ATP8B4: variants seen among roughly 807,000 people sequenced by gnomAD.
ATP8B4 encodes the protein ATPase phospholipid transporting 8B4 (putative), also known as probable phospholipid-transporting ATPase IM.
Under a neutral mutation model 145.6 loss-of-function variants are expected in ATP8B4, and 133 were observed. The observed-to-expected ratio is 0.91, with a 90% CI of 0.79 to 1.05. ATP8B4 has a LOEUF of 1.05. Ranked by LOEUF, ATP8B4 falls within the 50% of genes least tolerant of loss-of-function variation. The pLI, the probability that ATP8B4 is intolerant of heterozygous loss-of-function variation, is 0.00. For synonymous variants in ATP8B4, 507 were observed against 492.9 expected, an observed-to-expected ratio of 1.03 and a Z score of -0.38; for missense variants, 1,458 against 1,425.2, an observed-to-expected ratio of 1.02 and a Z score of -0.37.
At chr15:50,031,532 G>A (rs1303403769) in intron 6 of ATP8B4, among the ~76,000 whole-genome samples, 1 of 151,538 alleles carries the variant, frequency 6.6e-6, no homozygotes, top group African/African-American at 2.4e-5. Flanking sequence ...CTAAATGTGT[G>A]TAAGCTGCAA....
At chr15:50,115,262 G>C (rs2057130015) in intron 1 of ATP8B4, among the ~76,000 whole-genome samples, 1 of 152,092 alleles carries the variant, frequency 6.6e-6, no homozygotes, top group Non-Finnish European at 1.5e-5. Context: ...CTTGAGCCCA[G>C]AAGCTCAAGG....
intron 1 of ATP8B4, among the ~76,000 whole-genome samples, chr15:50,129,576 T>A (rs1299418561): frequency 1.3e-5 from 2 of 152,222 alleles, no homozygotes; most frequent in Non-Finnish European, 2.9e-5. Flanking sequence ...TAATCAAATA[T>A]GACCTCAATC....
rs1392178516 is a variant in ATP8B4 at position 49,906,951 on chromosome 15, A to T, written c.2142-5712T>A. Among the ~76,000 whole-genome samples, 4 of 152,172 alleles carry T rather than the reference A, an allele frequency of 2.6e-5. No homozygotes were observed. The East Asian group carries it at 7.7e-4, about 29-fold the overall frequency. Reference sequence around the variant, plus strand: ...TGGAATCCTCAGATAAATTTAGGGGAATCAGCAGAGTAAAGGGATTTTAGA... The same window carrying T: ...TGGAATCCTCAGATAAATTTAGGGGTATCAGCAGAGTAAAGGGATTTTAGA... On this transcript the variant is annotated intron_variant, in intron 20 of 27. Transcript: ENST00000284509.
intron 1 of ATP8B4, among the ~76,000 whole-genome samples, chr15:50,157,911 C>A (rs372837734): frequency 0.097 from 14,671 of 152,030 alleles, 978 homozygotes; most frequent in African/African-American, 0.18. Context: ...CGTGCCGCCA[C>A]GCCTGACTGG....
At chr15:50,083,385 T>C (rs1358877510) in intron 2 of ATP8B4, among the ~76,000 whole-genome samples, 1 of 152,082 alleles carries the variant, frequency 6.6e-6, no homozygotes, top group Non-Finnish European at 1.5e-5. Flanking sequence ...GACTGGACCA[T>C]ACAGAATGCT....
chr15:49,981,362 T>C (rs2046139017), intron 10 of ATP8B4, 68 bp from the exon 11 acceptor site: 2 of 1,207,172 alleles, frequency 1.7e-6, no homozygotes, highest in African/African-American at 1.5e-5. Flanking sequence ...AATGCTCATA[T>C]CAAATGTCTC....
At chr15:49,984,397 CTT>C (rs1467801584) in intron 10 of ATP8B4, among the ~76,000 whole-genome samples, 2 of 152,134 alleles carry the variant, frequency 1.3e-5, no homozygotes, top group Non-Finnish European at 2.9e-5. Flanking sequence ...TAAAAGAACT[CTT>C]TACAAAAAGC....
chr15:50,073,007 T>TAC (rs2053926383), intron 3 of ATP8B4, among the ~76,000 whole-genome samples: 3 of 55,452 alleles, frequency 5.4e-5, no homozygotes, highest in East Asian at 6.8e-4. Context: ...TATATATATA[T>TAC]ATATATATAT....
intron 1 of ATP8B4, among the ~76,000 whole-genome samples, chr15:50,138,462 CAGAT>C (rs1323647619): frequency 1.3e-4 from 19 of 151,396 alleles, no homozygotes; most frequent in African/African-American, 4.1e-4. Context: ...AGATGATAGA[CAGAT>C]AGATAGACAG....
intron 6 of ATP8B4, among the ~76,000 whole-genome samples, chr15:50,023,672 C>A (rs185988825): frequency 1.0e-4 from 15 of 149,922 alleles, no homozygotes; most frequent in African/African-American, 3.7e-4. Flanking sequence ...AAAAAAGAAT[C>A]TAAAGACAGC....
chr15:50,181,568 A>G (rs137996930), intron 1 of ATP8B4, among the ~76,000 whole-genome samples: 3 of 152,334 alleles, frequency 2.0e-5, no homozygotes, highest in African/African-American at 7.2e-5. Flanking sequence ...ACTGCTCTTC[A>G]CGAAATCAGG....
intron 1 of ATP8B4, among the ~76,000 whole-genome samples, chr15:50,176,645 A>G (rs1567420518): frequency 1.3e-5 from 2 of 152,340 alleles, no homozygotes; most frequent in East Asian, 3.9e-4. Context: ...GAAGAGAGAG[A>G]AAGCTGTTGA....
chr15:50,127,446 A>C (rs2153678557), intron 1 of ATP8B4, among the ~76,000 whole-genome samples: 1 of 152,252 alleles, frequency 6.6e-6, no homozygotes, highest in East Asian at 1.9e-4. Context: ...ACAAACATAC[A>C]TCCCACAGCA....
intron 6 of ATP8B4, among the ~76,000 whole-genome samples, chr15:50,015,944 G>C (rs1204232041): frequency 6.6e-6 from 1 of 152,318 alleles, no homozygotes; most frequent in East Asian, 1.9e-4. Flanking sequence ...TTTTGCCAGG[G>C]AGGAGGGTGA....
At chr15:50,076,997 C>A (rs531347029) in intron 2 of ATP8B4, among the ~76,000 whole-genome samples, 1 of 152,292 alleles carries the variant, frequency 6.6e-6, no homozygotes, top group Non-Finnish European at 1.5e-5. Context: ...AACAAATCCC[C>A]CATAACTATT....
In ATP8B4 at chr15:49,996,766, A is replaced by T. The variant is rs1484012780; in HGVS notation, c.507-7T>A. The T allele has an allele frequency of 5.6e-6, 9 of 1,603,800 alleles. No homozygotes were observed. Among genetic ancestry groups the T allele is most frequent in the Non-Finnish European group, 7.7e-6 (9 of 1,172,048 alleles). On this transcript the variant is annotated splice_region_variant and splice_polypyrimidine_tract_variant and intron_variant, in intron 8 of 27. Transcript: ENST00000284509. ...GACTTTTAGGTTCGTTTCCCTGTGA[A>T]ATTATTGACATGACATGAATTTTTA...
chr15:50,118,623 T>C (rs2057221709), intron 1 of ATP8B4, among the ~76,000 whole-genome samples: 1 of 152,208 alleles, frequency 6.6e-6, no homozygotes. Flanking sequence ...ACTAGAAGGA[T>C]ACCTTTTTCT....
chr15:49,956,572 A>G (rs1215410610), intron 14 of ATP8B4, among the ~76,000 whole-genome samples: 1 of 152,184 alleles, frequency 6.6e-6, no homozygotes, highest in Non-Finnish European at 1.5e-5. Context: ...GAGACAGAGT[A>G]TCACTCTCAC....
chr15:50,053,201 AC>A (rs1338868741), intron 3 of ATP8B4, among the ~76,000 whole-genome samples: 4 of 152,318 alleles, frequency 2.6e-5, no homozygotes, highest in African/African-American at 9.6e-5. Context: ...TGAAATAGGT[AC>A]TATTATTTCC....
Sources: gnomAD v4.1 joint callset for allele counts (sites outside exome capture counted in the v4.1 genomes callset) on GRCh38, gnomAD v4.1.1 for gene constraint, MANE v1.5 for transcripts, NCBI Gene and HGNC (gene_info 2026-07-23, HGNC 2026-07-21) for gene names.